The following CADM2 variants were observed in gnomAD, a reference collection of about 807,000 sequenced individuals.
CADM2 encodes immunoglobulin superfamily member 4D.
Under a neutral mutation model 49.8 loss-of-function variants are expected in CADM2, and 12 were observed. The observed-to-expected ratio is 0.24, with a 90% confidence interval of 0.15 to 0.39. The LOEUF is 0.39. Ranked by LOEUF, CADM2 falls within the 10% of genes least tolerant of loss-of-function variation. The pLI is 1.00. For missense variants in CADM2, 378 were observed against 492.3 expected (o/e 0.77, Z 2.20); for synonymous variants, 214 against 175.4 (o/e 1.22, Z -1.74).
rs551538844 is a variant in CADM2 at position 85,906,071 on chromosome 3, G to A, written c.530-6302G>A. Among the ~76,000 whole-genome samples the A allele has an allele frequency of 7.2e-5, 11 of 152,250 alleles. No individual in the cohort carries two copies. In the South Asian group the frequency reaches 1.9e-3, roughly 26 times the overall value. On this transcript the variant is annotated intron_variant, in intron 5 of 9. Coordinates refer to ENST00000383699, the MANE Select transcript of CADM2 (RefSeq NM_001167675.2). ...GAAGTCACACTTGCCTGCTGCTACA[G>A]AAGTTGCTCAAATGCGTAGATATTT...
intron 6 of CADM2, among the ~76,000 whole-genome samples, chr3:85,922,346 G>A (rs2108506367): frequency 6.6e-6 from 1 of 151,536 alleles, no homozygotes; most frequent in East Asian, 1.9e-4. Flanking sequence ...AATCCTCAAT[G>A]TATCAGGAAA....
At chr3:85,198,692 A>G (rs1214194270) in intron 1 of CADM2, among the ~76,000 whole-genome samples, 2 of 151,948 alleles carry the variant, frequency 1.3e-5, no homozygotes, top group Non-Finnish European at 2.9e-5. Context: ...GCATACATAT[A>G]TTTAGCTAAC....
chr3:85,539,960 TG>T (rs1194290715), intron 1 of CADM2, among the ~76,000 whole-genome samples: 1 of 152,104 alleles, frequency 6.6e-6, no homozygotes, highest in Non-Finnish European at 1.5e-5. Context: ...GAAATATGAC[TG>T]GGGATGATAA....
chr3:86,025,851 C>T (rs1308837645), intron 8 of CADM2, among the ~76,000 whole-genome samples: 1 of 151,784 alleles, frequency 6.6e-6, no homozygotes, highest in Non-Finnish European at 1.5e-5. Flanking sequence ...CTTACTTGTT[C>T]CTGAGGAATT....
intron 8 of CADM2, among the ~76,000 whole-genome samples, chr3:85,984,734 A>G (rs1289092547): frequency 6.6e-6 from 1 of 151,932 alleles, no homozygotes; most frequent in African/African-American, 2.4e-5. Flanking sequence ...AAGAAATCCA[A>G]AAAATGGTGA....
chr3:85,452,984 T>C (rs767969783), intron 1 of CADM2, among the ~76,000 whole-genome samples: 1 of 152,126 alleles, frequency 6.6e-6, no homozygotes, highest in Non-Finnish European at 1.5e-5. Flanking sequence ...TAAATATGTG[T>C]TAGAAGAGTC....
At chr3:85,075,019 G>A (rs924248689) in intron 1 of CADM2, among the ~76,000 whole-genome samples, 3 of 151,932 alleles carry the variant, frequency 2.0e-5, no homozygotes, top group African/African-American at 7.3e-5. Flanking sequence ...GTACATATTT[G>A]CAAGGTTTTG....
At chr3:85,656,190 G>T (rs1452933754) in intron 1 of CADM2, among the ~76,000 whole-genome samples, 1 of 151,530 alleles carries the variant, frequency 6.6e-6, no homozygotes, top group African/African-American at 2.4e-5. Flanking sequence ...AATTATTTCA[G>T]TTTCTTTATC....
Position 85,540,783 on chromosome 3 carries a change from A to G in CADM2, c.62-185739A>G, listed in dbSNP as rs1055385683. 1.4e-4 allele frequency among the ~76,000 whole-genome samples: 21 copies of G among 152,058 alleles called. 1 individual carries two copies. Among genetic ancestry groups the G allele is most frequent in the African/African-American group, 4.8e-4 (20 of 41,342 alleles). ...CTTAAACAACAGAATTTACTTTTCT[A>G]TAGTTCTGGAGGCTGGAAGTACAAG... On this transcript the variant is annotated intron_variant, in intron 1 of 9. Transcript: ENST00000383699.
intron 8 of CADM2, chr3:86,013,963 T>A (rs1309214507): frequency 6.5e-7 from 1 of 1,534,330 alleles, no homozygotes; most frequent in Non-Finnish European, 8.9e-7. Flanking sequence ...GTACCTGTTA[T>A]GGGAGTATCT....
intron 1 of CADM2, among the ~76,000 whole-genome samples, chr3:85,086,485 AAT>A (rs1270984221): frequency 6.6e-6 from 1 of 151,064 alleles, no homozygotes; most frequent in Non-Finnish European, 1.5e-5. Flanking sequence ...CTCCTAATGA[AAT>A]ATCAAAACAT....
At chr3:85,707,494 ATTTC>A in intron 1 of CADM2, among the ~76,000 whole-genome samples, 1 of 144,102 alleles carries the variant, frequency 6.9e-6, no homozygotes, top group East Asian at 2.0e-4. Context: ...ATATGTCTGT[ATTTC>A]TTTTTATTTA....
At chr3:85,903,615 G>A (rs1325472122) in intron 5 of CADM2, among the ~76,000 whole-genome samples, 5 of 152,084 alleles carry the variant, frequency 3.3e-5, no homozygotes, top group Admixed American at 3.3e-4. Context: ...ATTGTTTATT[G>A]ATTTGGATGA....
intron 1 of CADM2, among the ~76,000 whole-genome samples, chr3:85,299,440 G>T (rs1274544958): frequency 6.6e-6 from 1 of 152,042 alleles, no homozygotes; most frequent in African/African-American, 2.4e-5. Flanking sequence ...TTCTGAAGCA[G>T]CTTCCTAATC....
At chr3:85,279,427 G>T (rs2106881173) in intron 1 of CADM2, among the ~76,000 whole-genome samples, 1 of 151,502 alleles carries the variant, frequency 6.6e-6, no homozygotes, top group Non-Finnish European at 1.5e-5. Flanking sequence ...CTCTTCAAAT[G>T]AGATTCAGTG....
chr3:85,168,931 T>C (rs1320918927), intron 1 of CADM2, among the ~76,000 whole-genome samples: 1 of 151,970 alleles, frequency 6.6e-6, no homozygotes, highest in Non-Finnish European at 1.5e-5. Context: ...TCTTTATTAA[T>C]ATTTAGTAAA....
At chr3:85,399,774 G>T (rs1007688515) in intron 1 of CADM2, among the ~76,000 whole-genome samples, 9 of 152,088 alleles carry the variant, frequency 5.9e-5, no homozygotes, top group Admixed American at 5.9e-4. Context: ...TTGGCTCTCT[G>T]TTATTGGTGT....
At chr3:85,903,291 A>G (rs962229637) in intron 5 of CADM2, among the ~76,000 whole-genome samples, 4 of 151,646 alleles carry the variant, frequency 2.6e-5, no homozygotes, top group Non-Finnish European at 4.4e-5. Flanking sequence ...TAATTATACA[A>G]TTACCTTTAC....
chr3:85,938,451 G>T (rs1184577692), intron 7 of CADM2, among the ~76,000 whole-genome samples: 1 of 151,870 alleles, frequency 6.6e-6, no homozygotes, highest in Admixed American at 6.6e-5. Flanking sequence ...ATCAAAAAGT[G>T]GAAGAGGGAT....
Sources: gnomAD v4.1 joint callset for allele counts (sites outside exome capture counted in the v4.1 genomes callset) on GRCh38, gnomAD v4.1.1 for gene constraint, MANE v1.5 for transcripts, NCBI Gene and HGNC (gene_info 2026-07-23, HGNC 2026-07-21) for gene names.